Variants in CIB1 observed in about 807,000 individuals in gnomAD.
The protein encoded by CIB1 is calcium and integrin-binding protein 1.
A neutral mutation model predicts 25.0 loss-of-function variants in CIB1; 19 were observed. The observed-to-expected ratio is 0.76, with a 90% CI of 0.53 to 1.12. The LOEUF is 1.12. Among genes scored for constraint, CIB1 ranks in the 50% most tolerant of loss-of-function variants. The probability of loss-of-function intolerance (pLI) is 0.00; values close to 1 mark genes in which losing one functional copy is unlikely to be tolerated. For synonymous variants in CIB1, 104 were observed against 98.5 expected, an observed-to-expected ratio of 1.06 and a Z score of -0.33; for missense variants, 236 against 242.6, an observed-to-expected ratio of 0.97 and a Z score of 0.18.
the CIB1 span, chr15:90,241,212 C>G: frequency 6.2e-7 from 1 of 1,614,142 alleles, no homozygotes; most frequent in Admixed American, 1.7e-5. Context: ...GAATGTGGAG[C>G]GTGGTGTGCA....
chr15:90,230,880 G>C, intron 6 of CIB1, 54 bp downstream of exon 6: 1 of 1,450,524 alleles, frequency 6.9e-7, no homozygotes, highest in Admixed American at 1.7e-5. Flanking sequence ...TAGGCCCAGA[G>C]GCAGCAGGTC....
chr15:90,245,354 T>TC, the CIB1 span: 2 of 151,500 alleles, frequency 1.3e-5, no homozygotes, highest in Non-Finnish European at 2.9e-5. Flanking sequence ...ACATCTATAG[T>TC]CCCAGCTACT....
the CIB1 span, chr15:90,258,235 T>G: frequency 2.5e-6 from 4 of 1,614,124 alleles, no homozygotes; most frequent in African/African-American, 5.3e-5. Flanking sequence ...TTTGACATCT[T>G]GCTGGACCAC....
At chr15:90,257,261 G>A in the CIB1 span, 1 of 1,612,702 alleles carries the variant, frequency 6.2e-7, no homozygotes, top group South Asian at 1.1e-5. Flanking sequence ...GCCCTATATG[G>A]AGCCCAGCCA....
chr15:90,258,885 A>C, the CIB1 span: 1 of 1,614,092 alleles, frequency 6.2e-7, no homozygotes. Flanking sequence ...CGGCGAGTCA[A>C]GGAACGGCTT....
chr15:90,259,990 G>A, the CIB1 span, among the ~76,000 whole-genome samples: 8 of 152,086 alleles, frequency 5.3e-5, no homozygotes, highest in South Asian at 2.1e-4. Flanking sequence ...GATTCCCCAC[G>A]AGAGCCACAG....
the CIB1 span, chr15:90,256,025 G>A: frequency 6.4e-7 from 1 of 1,556,490 alleles, no homozygotes; most frequent in Non-Finnish European, 8.7e-7. Context: ...AGAAAAGAGG[G>A]TCTGAGACTG....
chr15:90,263,623 G>A, the CIB1 span: 1 of 593,370 alleles, frequency 1.7e-6, no homozygotes, highest in Non-Finnish European at 3.0e-6. Context: ...CCCCAAAGGA[G>A]TATCTGGTTA....
chr15:90,247,301 T>TTG, the CIB1 span, among the ~76,000 whole-genome samples: 3 of 147,980 alleles, frequency 2.0e-5, no homozygotes, highest in Admixed American at 6.7e-5. Context: ...CTTTTTTCTT[T>TTG]TTTTTTTTTT....
chr15:90,264,059 G>GT, the CIB1 span: 9 of 1,524,756 alleles, frequency 5.9e-6, no homozygotes, highest in East Asian at 9.8e-5. Flanking sequence ...CTCACTAGCC[G>GT]TAAGTATGCA....
chr15:90,230,878 G>T lies in CIB1; in HGVS notation c.554+56C>A. The T allele has an allele frequency of 9.0e-6, 13 of 1,439,556 alleles. No individual in the cohort carries two copies. The South Asian group carries it at 1.5e-4, about 16-fold the overall frequency. 89.2% of individuals were successfully genotyped at this position (1,439,556 alleles called of 1,614,324 possible). ...CTCCTGTAGCCATGCCCTAGGCCCA[G>T]AGGCAGCAGGTCGGAACCTGCAGGT... On this transcript the variant is annotated intron_variant, in intron 6 of 6. Transcript: ENST00000328649.
chr15:90,257,549 G>A, the CIB1 span: 3 of 1,237,552 alleles, frequency 2.4e-6, no homozygotes, highest in East Asian at 2.3e-5. Flanking sequence ...AGATCCTCGG[G>A]AGGGGTGGGG....
chr15:90,262,705 G>A, the CIB1 span: 18 of 1,446,858 alleles, frequency 1.2e-5, no homozygotes, highest in African/African-American at 2.0e-4. Context: ...CTTTCCACAG[G>A]AAAATGGGTT....
chr15:90,240,329 G>A, the CIB1 span, among the ~76,000 whole-genome samples: 4 of 151,796 alleles, frequency 2.6e-5, no homozygotes, highest in Non-Finnish European at 5.9e-5. Flanking sequence ...CCAATGTGGT[G>A]AAACCCTGCC....
At chr15:90,258,746 A>C in the CIB1 span, 2 of 1,614,102 alleles carry the variant, frequency 1.2e-6, no homozygotes, top group Non-Finnish European at 1.7e-6. Context: ...CTGGCAGGTA[A>C]ACCACTCTCC....
At chr15:90,256,072 G>A in the CIB1 span, 3 of 1,581,210 alleles carry the variant, frequency 1.9e-6, no homozygotes, top group East Asian at 2.2e-5. Context: ...ATAGCAGGAA[G>A]AGCTCCATGC....
At chr15:90,256,640 T>C in the CIB1 span, among the ~76,000 whole-genome samples, 1 of 87,420 alleles carries the variant, frequency 1.1e-5, no homozygotes, top group Non-Finnish European at 2.2e-5. Context: ...CTTCCTTCCT[T>C]CTTTCTTTCT....
chr15:90,263,236 T>C, the CIB1 span: 7 of 1,186,820 alleles, frequency 5.9e-6, no homozygotes, highest in Non-Finnish European at 8.0e-6. Context: ...GAGGCTTGTG[T>C]GATGGTATCT....
the CIB1 span, chr15:90,263,535 T>C: frequency 3.6e-6 from 2 of 551,664 alleles, no homozygotes; most frequent in African/African-American, 3.8e-5. Flanking sequence ...TAAACAGATT[T>C]GGGCCAACAA....
Sources: gnomAD v4.1 joint callset for allele counts (sites outside exome capture counted in the v4.1 genomes callset) on GRCh38, gnomAD v4.1.1 for gene constraint, MANE v1.5 for transcripts, NCBI Gene and HGNC (gene_info 2026-07-23, HGNC 2026-07-21) for gene names.